Variants in SDK1 observed in about 807,000 individuals in gnomAD.
SDK1 encodes the protein protein sidekick-1.
SDK1 carries 157 observed loss-of-function variants against 245.5 expected under a neutral mutation model. That is an observed-to-expected ratio of 0.64 (90% CI 0.56 to 0.73). The LOEUF is 0.73. SDK1 is among the 30% of genes least tolerant of loss of function. The probability of loss-of-function intolerance (pLI) is 0.00; values close to 1 mark genes in which losing one functional copy is unlikely to be tolerated. For synonymous variants in SDK1, 1,647 were observed against 1,278.5 expected (o/e 1.29, Z -6.15); for missense variants, 3,583 against 3,002.3 (o/e 1.19, Z -4.52).
chr7:3,900,003 C>A (rs1781729506), intron 5 of SDK1, among the ~76,000 whole-genome samples: 1 of 152,186 alleles, frequency 6.6e-6, no homozygotes. Flanking sequence ...AATATTTCAG[C>A]CATGTGGAAA....
chr7:3,730,040 A>T (rs900161581), intron 4 of SDK1, among the ~76,000 whole-genome samples: 27 of 152,136 alleles, frequency 1.8e-4, no homozygotes, highest in African/African-American at 5.8e-4. Flanking sequence ...TTCATTATTC[A>T]TTCTACAGAT....
intron 44 of SDK1, among the ~76,000 whole-genome samples, chr7:4,255,429 G>T (rs1787561934): frequency 6.6e-6 from 1 of 152,184 alleles, no homozygotes; most frequent in Non-Finnish European, 1.5e-5. Flanking sequence ...TACACAAGTG[G>T]GGCACTGGGT....
chr7:3,808,883 T>C (rs758830699), intron 4 of SDK1, among the ~76,000 whole-genome samples: 6 of 152,174 alleles, frequency 3.9e-5, no homozygotes, highest in South Asian at 4.1e-4. Flanking sequence ...GATTTTCATA[T>C]TGATTTATTT....
chr7:3,613,216 C>T (rs1332994665), intron 1 of SDK1, among the ~76,000 whole-genome samples: 4 of 152,206 alleles, frequency 2.6e-5, no homozygotes, highest in Admixed American at 2.0e-4. Flanking sequence ...GTTAGGGAAG[C>T]CGGGGGACGC....
At chr7:3,310,699 A>G (rs373485416) in intron 1 of SDK1, among the ~76,000 whole-genome samples, 6 of 152,218 alleles carry the variant, frequency 3.9e-5, no homozygotes, top group African/African-American at 1.2e-4. Flanking sequence ...GTGTGGATAG[A>G]TGAATTTTGC....
intron 1 of SDK1, among the ~76,000 whole-genome samples, chr7:3,430,843 C>T (rs1779823862): frequency 6.6e-6 from 1 of 152,214 alleles, no homozygotes; most frequent in Non-Finnish European, 1.5e-5. Flanking sequence ...GCCTGCAGAG[C>T]TGTGTCACTC....
intron 4 of SDK1, among the ~76,000 whole-genome samples, chr7:3,756,543 C>G (rs1166290317): frequency 6.6e-6 from 1 of 151,774 alleles, no homozygotes; most frequent in South Asian, 2.1e-4. Context: ...AATAGCATCA[C>G]TAGTTTATTC....
At chr7:3,394,704 A>G (rs1294422792) in intron 1 of SDK1, among the ~76,000 whole-genome samples, 1 of 152,024 alleles carries the variant, frequency 6.6e-6, no homozygotes, top group Non-Finnish European at 1.5e-5. Flanking sequence ...AAAGCTTTAT[A>G]ATTTTTACAG....
intron 35 of SDK1, among the ~76,000 whole-genome samples, chr7:4,194,704 T>C (rs778632021): frequency 1.3e-5 from 2 of 152,156 alleles, no homozygotes; most frequent in South Asian, 4.1e-4. Flanking sequence ...CTGCCTGCTT[T>C]ATATTAAGTG....
intron 1 of SDK1, among the ~76,000 whole-genome samples, chr7:3,370,881 C>G (rs1398222533): frequency 6.6e-6 from 1 of 152,136 alleles, no homozygotes; most frequent in Non-Finnish European, 1.5e-5. Flanking sequence ...GGGTCCCTCA[C>G]CTGCTCCTCC....
intron 4 of SDK1, among the ~76,000 whole-genome samples, chr7:3,749,717 G>C (rs1396371342): frequency 6.6e-6 from 1 of 152,150 alleles, no homozygotes; most frequent in African/African-American, 2.4e-5. Flanking sequence ...TTAAACCTTG[G>C]TGCAGAGAGA....
intron 5 of SDK1, among the ~76,000 whole-genome samples, chr7:3,900,795 C>T (rs958656968): frequency 2.6e-5 from 4 of 152,114 alleles, no homozygotes; most frequent in Non-Finnish European, 5.9e-5. Flanking sequence ...TAGACTGACA[C>T]ATTTGCAGAT....
intron 5 of SDK1, among the ~76,000 whole-genome samples, chr7:3,936,640 A>T (rs999003520): frequency 1.3e-5 from 2 of 152,188 alleles, no homozygotes; most frequent in Admixed American, 1.3e-4. Context: ...TCACAGCTTG[A>T]GCGTCCTTAA....
chr7:3,952,428 C>T (rs560171315), intron 7 of SDK1, among the ~76,000 whole-genome samples: 6 of 152,190 alleles, frequency 3.9e-5, no homozygotes, highest in Admixed American at 1.3e-4. Flanking sequence ...ACTAAAAATA[C>T]AAACATCAGC....
chr7:3,696,765 CTTATA>C (rs1360412271), intron 4 of SDK1, among the ~76,000 whole-genome samples: 2 of 151,804 alleles, frequency 1.3e-5, no homozygotes, highest in Admixed American at 6.6e-5. Flanking sequence ...TGTGTCAGTT[CTTATA>C]TTAAATAGTG....
Position 3,582,683 on chromosome 7 carries a change from T to TAAAAAAAAAAAAA in SDK1, c.299-36383_299-36371dup, listed in dbSNP as rs71029682. ...ATGTAGCCCTGAACCTAAACTAAAG[T>TAAAAAAAAAAAAA]AAAAAAAAAAAAAAAAAAAAAAAAA... is the stretch of plus-strand genomic sequence containing the variant. On this transcript the variant is annotated intron_variant, in intron 1 of 44. Transcript: ENST00000404826. Among the ~76,000 whole-genome samples the TAAAAAAAAAAAAA allele has an allele frequency of 3.3e-4, 23 of 69,682 alleles. 1 individual carries two copies. The highest frequency in any genetic ancestry group is 1.2e-3 in the African/African-American group (21 of 17,700). 45.7% of individuals were successfully genotyped at this position (69,682 alleles called of 152,430 possible).
rs77045824 is a variant in SDK1, at chr7:3,993,133, T to A, written c.2131+5811T>A. 2.2e-3 allele frequency among the ~76,000 whole-genome samples: 341 copies of A among 151,982 alleles called. 2 individuals are homozygous for A. Among genetic ancestry groups the A allele is most frequent in the African/African-American group, 7.8e-3 (323 of 41,494 alleles). ...CTTCTTAAAAATTTATTCTTTCACA[T>A]GAGTGAGTCGGCATTGCACAGTGTT... On this transcript the variant is annotated intron_variant, in intron 14 of 44. Coordinates refer to ENST00000404826, the MANE Select transcript of SDK1 (RefSeq NM_152744.4).
At chr7:4,204,288 GATTGA>G (rs1471154403) in intron 35 of SDK1, among the ~76,000 whole-genome samples, 1 of 152,180 alleles carries the variant, frequency 6.6e-6, no homozygotes, top group Non-Finnish European at 1.5e-5. Flanking sequence ...AGTTAGTTTT[GATTGA>G]ATTGTTTTTT....
At chr7:4,195,949 C>A (rs539007076) in intron 35 of SDK1, among the ~76,000 whole-genome samples, 12 of 152,328 alleles carry the variant, frequency 7.9e-5, no homozygotes, top group Non-Finnish European at 1.3e-4. Flanking sequence ...CTCCACCACA[C>A]CCACGCATTA....
Sources: allele counts gnomAD v4.1 joint callset (sites outside exome capture counted in the v4.1 genomes callset), GRCh38; gene constraint gnomAD v4.1.1; transcripts MANE v1.5; gene names NCBI Gene and HGNC (gene_info 2026-07-23, HGNC 2026-07-21).